MTHFSD: variants seen among roughly 807,000 people sequenced by gnomAD.
MTHFSD encodes the protein methenyltetrahydrofolate synthetase domain containing, also known as methenyltetrahydrofolate synthase domain-containing protein.
A neutral mutation model predicts 31.1 loss-of-function variants in MTHFSD; 37 were observed. The ratio of observed to expected loss-of-function variants is 1.19; its 90% CI spans 0.91 to 1.56. The LOEUF is 1.56. Among genes scored for constraint, MTHFSD ranks in the 40% most tolerant of loss-of-function variants. The pLI, the probability that MTHFSD is intolerant of heterozygous loss-of-function variation, is 0.00. For synonymous variants in MTHFSD, 221 were observed against 206.9 expected, an observed-to-expected ratio of 1.07 and a Z score of -0.59; for missense variants, 664 against 510.1, an observed-to-expected ratio of 1.30 and a Z score of -2.91.
intron 7 of MTHFSD, chr16:86,535,443 G>A (rs1970558682): frequency 1.0e-6 from 1 of 985,296 alleles, no homozygotes; most frequent in African/African-American, 1.7e-5. Context: ...TGGACGTCAT[G>A]GTTGGGATGA....
Position 86,554,927 on chromosome 16 carries a change from A to G in MTHFSD, c.17-176T>C, listed in dbSNP as rs567809541. On this transcript the variant is annotated intron_variant, in intron 1 of 7. Transcript: ENST00000360900. Reference sequence around the variant, plus strand: ...CCACGGGCTCCCCCACGTGCACGGCAGGTGTCCCTCCCGCCTCGTCTTCTC... The same window carrying G: ...CCACGGGCTCCCCCACGTGCACGGCGGGTGTCCCTCCCGCCTCGTCTTCTC... 20 of 1,115,022 alleles carry G rather than the reference A, an allele frequency of 1.8e-5. No homozygotes were observed. The South Asian group carries it at 3.3e-4, about 18-fold the overall frequency. The allele number at this position is 1,115,022 out of a possible 1,614,324, so 69.1% of individuals were successfully genotyped here. A position where few individuals can be genotyped will look rare whatever the true frequency, so the allele number is the denominator to read the frequency against.
intron 7 of MTHFSD, among the ~76,000 whole-genome samples, chr16:86,538,559 C>T (rs1971037565): frequency 2.0e-5 from 3 of 152,210 alleles, no homozygotes; most frequent in Non-Finnish European, 4.4e-5. Flanking sequence ...CTAGCGGGTC[C>T]AGGGCTTCAG....
At chr16:86,552,995 T>A (rs1174772344) in intron 2 of MTHFSD, among the ~76,000 whole-genome samples, 1 of 152,202 alleles carries the variant, frequency 6.6e-6, no homozygotes, top group Non-Finnish European at 1.5e-5. Context: ...AACCTTTTTT[T>A]TTTCTGTCAA....
At chr16:86,541,291 T>TA (rs34551811) in intron 7 of MTHFSD, 283,502 of 768,454 alleles carry the variant, frequency 0.37, 17,705 homozygotes, top group Non-Finnish European at 0.39. Flanking sequence ...AGATCGTCAG[T>TA]AAAAAAAAAA....
rs1304877275 is a variant in MTHFSD at position 86,542,113 on chromosome 16, G to C, written c.543C>G (p.Val181=). The C allele has an allele frequency of 6.2e-7, 1 of 1,613,350 alleles. No individual in the cohort carries two copies. The highest frequency in any genetic ancestry group is 1.3e-5 in the African/African-American group (1 of 74,880). The stretch of plus-strand genomic sequence containing the variant: ...TCATAAGGAGCACCTGGCAGTCGTG[G>C]ACGATGGTGACCACCGGCGTCTCCT... ...VSKETPVVTI[V]HDCQVVDIPE... Residue 181 remains valine, a synonymous_variant, in exon 6 of 8, where the codon GTC becomes GTG. Coordinates refer to ENST00000360900, the MANE Select transcript of MTHFSD (RefSeq NM_001159377.2). The surrounding 1 kb of genome is among the most constrained non-coding windows in gnomAD (Gnocchi z 4.6).
chr16:86,537,685 TCA>T (rs1970901966), intron 7 of MTHFSD, among the ~76,000 whole-genome samples: 1 of 152,230 alleles, frequency 6.6e-6, no homozygotes, highest in African/African-American at 2.4e-5. Context: ...GGACTGCTGC[TCA>T]CAGAGGAGCC....
At chr16:86,554,301 C>G (rs189537651) in intron 2 of MTHFSD, among the ~76,000 whole-genome samples, 2 of 152,304 alleles carry the variant, frequency 1.3e-5, no homozygotes, top group East Asian at 3.9e-4. Flanking sequence ...ATCCAAACAT[C>G]AGAAGGAACA....
chr16:86,534,161 A>T (rs986609983), intron 7 of MTHFSD, among the ~76,000 whole-genome samples: 2 of 152,250 alleles, frequency 1.3e-5, no homozygotes, highest in Non-Finnish European at 1.5e-5. Flanking sequence ...TGTCTATGCC[A>T]TGAACATATC....
rs1969961701 is a variant in MTHFSD, at chr16:86,531,202, G to A, written c.*809C>T. 1 of 152,178 alleles carries A rather than the reference G, an allele frequency of 6.6e-6. No homozygotes were observed. Among genetic ancestry groups the A allele is most frequent in the Non-Finnish European group, 1.5e-5 (1 of 68,036 alleles). 9.4% of individuals were successfully genotyped at this position (152,178 alleles called of 1,614,324 possible). A position where few individuals can be genotyped will look rare whatever the true frequency, so the allele number is the denominator to read the frequency against. ...TTGCAAAAGCGCTTCTGTTGAGAAA[G>A]GACAGTTCAGCCAAACTCAAGCTGG... On this transcript the variant is annotated 3_prime_UTR_variant, in exon 8 of 8. Transcript: ENST00000360900. The surrounding 1 kb of genome is among the most constrained non-coding windows in gnomAD (Gnocchi z 5.5).
In MTHFSD at chr16:86,554,758, C is replaced by G. The variant is rs373253382; in HGVS notation, c.17-7G>C. The G allele has an allele frequency of 1.2e-6, 2 of 1,604,116 alleles. No individual in the cohort carries two copies. Among genetic ancestry groups the G allele is most frequent in the Non-Finnish European group, 1.7e-6 (2 of 1,171,246 alleles). On this transcript the variant is annotated splice_region_variant and splice_polypyrimidine_tract_variant and intron_variant, in intron 1 of 7. Transcript: ENST00000360900. ...TCCTGTTTGGAGACACCTACTGCAA[C>G]AAAAGATTCCCACTTAATAACATAC...
In MTHFSD at chr16:86,532,230, C is replaced by T. The variant is rs749014819; in HGVS notation, c.933G>A (p.Gly311=). ...TCACACGGGCGTCCCCGGGGAGGTT[C>T]CCAACGTAAACATCGGCTGCAAGCG... ...GAPLAADVYV[G]NLPGDARVSD... Residue 311 remains glycine, a synonymous_variant, in exon 8 of 8, where the codon GGG becomes GGA. Transcript: ENST00000360900. 3 of 1,572,944 alleles carry T rather than the reference C, an allele frequency of 1.9e-6. No homozygotes were observed. The highest frequency in any genetic ancestry group is 2.3e-5 in the East Asian group (1 of 43,168).
At chr16:86,539,464 T>C (rs959379845) in intron 7 of MTHFSD, among the ~76,000 whole-genome samples, 3 of 152,242 alleles carry the variant, frequency 2.0e-5, no homozygotes, top group Admixed American at 6.5e-5. Context: ...CCAAGCATCG[T>C]CCTGGGCATT....
intron 4 of MTHFSD, 22 bp downstream of exon 4, chr16:86,548,442 G>A (rs780818998): frequency 8.9e-6 from 14 of 1,572,024 alleles, no homozygotes; most frequent in Non-Finnish European, 1.1e-5. Context: ...TCCTAGGTGG[G>A]GACATTGCTT....
chr16:86,550,289 G>A (rs558585448), intron 3 of MTHFSD, among the ~76,000 whole-genome samples: 117 of 152,382 alleles, frequency 7.7e-4, no homozygotes, highest in African/African-American at 2.7e-3. Context: ...TGCCCAGCAC[G>A]CAGCCTGGGA....
intron 2 of MTHFSD, among the ~76,000 whole-genome samples, chr16:86,552,690 C>G (rs1313348832): frequency 6.6e-6 from 1 of 152,210 alleles, no homozygotes; most frequent in Non-Finnish European, 1.5e-5. Context: ...AGATACATTT[C>G]TCTCTCTGGG....
At chr16:86,545,018 G>C (rs371626737) in intron 5 of MTHFSD, among the ~76,000 whole-genome samples, 3 of 152,300 alleles carry the variant, frequency 2.0e-5, no homozygotes, top group African/African-American at 7.2e-5. Context: ...AGAACATATG[G>C]ACACAGGGAG....
chr16:86,547,314 G>A, intron 4 of MTHFSD: 1 of 985,700 alleles, frequency 1.0e-6, no homozygotes, highest in Non-Finnish European at 1.2e-6. Flanking sequence ...TATGTTCATG[G>A]TTCTCATAAC....
At chr16:86,554,597 T>A in intron 2 of MTHFSD, 48 bp downstream of exon 2, 1 of 1,356,634 alleles carries the variant, frequency 7.4e-7, no homozygotes, top group Non-Finnish European at 1.1e-6. Flanking sequence ...GTTATTCATT[T>A]AAGAATATTT....
chr16:86,532,397 G>T lies in MTHFSD; in HGVS notation c.766C>A (p.Gln256Lys). The T allele has an allele frequency of 6.5e-7, 1 of 1,542,502 alleles. No homozygotes were observed. Residue 256 changes from glutamine to lysine, a missense_variant, in exon 8 of 8, where the codon CAG (glutamine) becomes AAG (lysine). Transcript: ENST00000360900. ...TCCGGAAGGTGCTGGTGCTCACCCT[G>T]GAGGGTGACATCCTTCCCAGCCTGC... is the stretch of plus-strand genomic sequence containing the variant. ...EQQAGKDVTLQGEHQHLPEPG... is the reference protein window; with the variant it reads ...EQQAGKDVTLKGEHQHLPEPG...
Sources: gnomAD v4.1 joint callset for allele counts (sites outside exome capture counted in the v4.1 genomes callset) on GRCh38, gnomAD v4.1.1 for gene constraint, Gnocchi (gnomAD v3.1) non-coding constraint, MANE v1.5 for transcripts, NCBI Gene and HGNC (gene_info 2026-07-23, HGNC 2026-07-21) for gene names.